GPHN: variants seen among roughly 807,000 people sequenced by gnomAD.
GPHN encodes gephyrin.
Under a neutral mutation model 95.5 loss-of-function variants are expected in GPHN, and 17 were observed. The observed-to-expected ratio is 0.18, with a 90% CI of 0.12 to 0.27. The LOEUF (loss-of-function observed/expected upper bound fraction) is 0.27. Among genes scored for constraint, GPHN ranks in the 10% least tolerant of loss-of-function variants. The pLI, the probability that GPHN is intolerant of heterozygous loss-of-function variation, is 1.00. For synonymous variants in GPHN, 320 were observed against 322.5 expected, an observed-to-expected ratio of 0.99 and a Z score of 0.08; for missense variants, 660 against 978.1, an observed-to-expected ratio of 0.67 and a Z score of 4.34.
At chr14:67,043,456 G>A (rs575022990) in intron 10 of GPHN, among the ~76,000 whole-genome samples, 1 of 152,218 alleles carries the variant, frequency 6.6e-6, no homozygotes, top group East Asian at 1.9e-4. Flanking sequence ...GTTGAATTTT[G>A]TCAAAGGCCT....
chr14:67,100,929 GA>G lies in GPHN; in HGVS notation c.1293+21del. The G allele has an allele frequency of 6.9e-7, 1 of 1,452,936 alleles. No homozygotes were observed. The highest frequency in any genetic ancestry group is 9.7e-7 in the Non-Finnish European group (1 of 1,032,760). The allele number at this position is 1,452,936 out of a possible 1,614,324, so 90.0% of individuals were successfully genotyped here. A position where few individuals can be genotyped will look rare whatever the true frequency, so the allele number is the denominator to read the frequency against. On this transcript the variant is annotated intron_variant, in intron 13 of 22. Transcript: ENST00000478722. ...GTGAACAGGTGAGATTGATAGGCCT[GA>G]AAGGCACTGAAGATTTCAGCTTCAT...
At chr14:67,510,556 A>C in the GPHN span, among the ~76,000 whole-genome samples, 1 of 152,226 alleles carries the variant, frequency 6.6e-6, no homozygotes, top group Non-Finnish European at 1.5e-5. Context: ...CTTATGCCAA[A>C]CTAAAAGAAA....
chr14:67,253,906 G>C, the GPHN span, among the ~76,000 whole-genome samples: 3 of 149,376 alleles, frequency 2.0e-5, no homozygotes, highest in African/African-American at 4.9e-5. Flanking sequence ...AAAATCTTAG[G>C]CTTGGATAGA....
intron 1 of GPHN, among the ~76,000 whole-genome samples, chr14:66,553,484 G>T (rs1230364402): frequency 6.6e-6 from 1 of 151,946 alleles, no homozygotes; most frequent in Non-Finnish European, 1.5e-5. Context: ...TCTCTGTCAG[G>T]TTAGAGAATT....
chr14:66,685,625 G>T (rs8018995), intron 2 of GPHN, among the ~76,000 whole-genome samples: 50,245 of 151,700 alleles, frequency 0.33, 12,282 homozygotes, highest in African/African-American at 0.67. Flanking sequence ...TTGTTTGAGT[G>T]CTTTGTAGAT....
At chr14:67,390,553 C>CG in the GPHN span, 2 of 764,994 alleles carry the variant, frequency 2.6e-6, no homozygotes. Flanking sequence ...GACTTTACGG[C>CG]GGGTGCCAGG....
chr14:67,556,404 G>C, the GPHN span, among the ~76,000 whole-genome samples: 3 of 152,164 alleles, frequency 2.0e-5, no homozygotes, highest in Non-Finnish European at 4.4e-5. Context: ...CCAAAGTGCT[G>C]AGATTACAGG....
chr14:66,557,677 T>A (rs1379063137), intron 1 of GPHN, among the ~76,000 whole-genome samples: 1 of 152,160 alleles, frequency 6.6e-6, no homozygotes, highest in Non-Finnish European at 1.5e-5. Context: ...AAGTGTTAAG[T>A]TACAAGAAAG....
intron 16 of GPHN, among the ~76,000 whole-genome samples, chr14:67,122,001 C>T (rs2079035327): frequency 6.6e-6 from 1 of 152,096 alleles, no homozygotes; most frequent in South Asian, 2.1e-4. Flanking sequence ...TGGAGCCCAA[C>T]CTGGTGGGAT....
intron 10 of GPHN, among the ~76,000 whole-genome samples, chr14:67,033,886 A>T (rs2074300150): frequency 6.6e-6 from 1 of 152,194 alleles, no homozygotes; most frequent in South Asian, 2.1e-4. Context: ...CATTGGATAA[A>T]CCTTACAGGT....
intron 1 of GPHN, among the ~76,000 whole-genome samples, chr14:66,625,759 C>A (rs973983572): frequency 6.6e-6 from 1 of 152,058 alleles, no homozygotes; most frequent in Non-Finnish European, 1.5e-5. Context: ...TTCCCAAATC[C>A]TTTTTGTTTG....
intron 2 of GPHN, among the ~76,000 whole-genome samples, chr14:66,738,965 C>T (rs2072538637): frequency 6.6e-6 from 1 of 151,700 alleles, no homozygotes; most frequent in Admixed American, 6.6e-5. Flanking sequence ...TTCATATTTC[C>T]TTTTTGGGTG....
At chr14:66,539,672 C>G (rs141724557) in intron 1 of GPHN, among the ~76,000 whole-genome samples, 30 of 152,188 alleles carry the variant, frequency 2.0e-4, no homozygotes, top group African/African-American at 6.5e-4. Flanking sequence ...CTGCTCACCT[C>G]GGCCTCCCAA....
At chr14:67,199,225 G>C in the GPHN span, 12 of 1,605,618 alleles carry the variant, frequency 7.5e-6, no homozygotes, top group South Asian at 4.4e-5. Context: ...CAGCACCAAG[G>C]CTATGACTTT....
chr14:67,149,968 T>A (rs954945956), intron 18 of GPHN, among the ~76,000 whole-genome samples: 1 of 152,160 alleles, frequency 6.6e-6, no homozygotes. Context: ...ATATTCTTTT[T>A]AAAAAGCTAA....
chr14:67,589,510 A>G, the GPHN span: 1 of 985,236 alleles, frequency 1.0e-6, no homozygotes, highest in Non-Finnish European at 1.2e-6. Flanking sequence ...GTTTGTCAAT[A>G]AAAAGCAGCT....
At chr14:67,220,020 G>T in the GPHN span, among the ~76,000 whole-genome samples, 2 of 152,172 alleles carry the variant, frequency 1.3e-5, no homozygotes, top group African/African-American at 4.8e-5. Flanking sequence ...CTGCTGTATT[G>T]CAGAGACATT....
intron 1 of GPHN, among the ~76,000 whole-genome samples, chr14:66,559,224 C>A (rs1341135089): frequency 6.6e-6 from 1 of 151,998 alleles, no homozygotes; most frequent in African/African-American, 2.4e-5. Context: ...TTTATAGCAG[C>A]ATGATTTATA....
At chr14:67,122,046 A>G (rs2079037606) in intron 16 of GPHN, among the ~76,000 whole-genome samples, 1 of 152,164 alleles carries the variant, frequency 6.6e-6, no homozygotes, top group Non-Finnish European at 1.5e-5. Context: ...GTGAAATTTC[A>G]GAGTGTTTTT....
Sources: allele counts gnomAD v4.1 joint callset (sites outside exome capture counted in the v4.1 genomes callset), GRCh38; gene constraint gnomAD v4.1.1; transcripts MANE v1.5; gene names NCBI Gene and HGNC (gene_info 2026-07-23, HGNC 2026-07-21).